Variants in TSPAN9 observed in about 807,000 individuals in gnomAD.
TSPAN9 encodes tetraspanin 9.
TSPAN9 carries 16 observed loss-of-function variants against 31.0 expected under a neutral mutation model. The observed-to-expected ratio is 0.52, with a 90% CI of 0.35 to 0.78. The LOEUF is 0.78. TSPAN9 is among the 30% of genes least tolerant of loss of function. The pLI, the probability that TSPAN9 is intolerant of heterozygous loss-of-function variation, is 0.01. For synonymous variants in TSPAN9, 145 were observed against 121.6 expected (o/e 1.19, Z -1.27); for missense variants, 272 against 312.5 (o/e 0.87, Z 0.98).
chr12:3,241,815 A>G (rs2098396713), intron 3 of TSPAN9, among the ~76,000 whole-genome samples: 1 of 152,176 alleles, frequency 6.6e-6, no homozygotes, highest in Non-Finnish European at 1.5e-5. Flanking sequence ...TGGGCTCAGT[A>G]TAGAATGGAA....
intron 2 of TSPAN9, among the ~76,000 whole-genome samples, chr12:3,157,767 C>G (rs537414279): frequency 4.6e-5 from 7 of 152,272 alleles, no homozygotes; most frequent in Admixed American, 3.9e-4. Flanking sequence ...CTTTCCCCTT[C>G]CCTGATCAGG....
At chr12:3,200,140 C>T (rs1422490839) in intron 2 of TSPAN9, 1 of 152,204 alleles carries the variant, frequency 6.6e-6, no homozygotes, top group African/African-American at 2.4e-5. Flanking sequence ...GAGCCCTTGA[C>T]ATTTAGCGAG....
Position 3,211,828 on chromosome 12 carries a change from G to C in TSPAN9, c.63+10572G>C, listed in dbSNP as rs2098378879. ...CTGGGCATTTCACATCCATGAAGTA[G>C]GAATTGGGGCTCTGCACCAGGCGTT... On this transcript the variant is annotated intron_variant, in intron 3 of 8. Coordinates refer to ENST00000011898, the MANE Select transcript of TSPAN9 (RefSeq NM_006675.5). 4 of 1,592,748 alleles carry C rather than the reference G, an allele frequency of 2.5e-6. No individual in the cohort carries two copies. The Admixed American group carries it at 5.0e-5, about 20-fold the overall frequency.
chr12:3,124,524 C>T (rs1237231759), intron 2 of TSPAN9, among the ~76,000 whole-genome samples: 1 of 151,776 alleles, frequency 6.6e-6, no homozygotes, highest in Non-Finnish European at 1.5e-5. Context: ...TCTCCTGCCT[C>T]AGCCTCCTGA....
intron 3 of TSPAN9, among the ~76,000 whole-genome samples, chr12:3,240,810 T>C (rs1288571853): frequency 6.6e-6 from 1 of 152,106 alleles, no homozygotes; most frequent in Non-Finnish European, 1.5e-5. Context: ...GGCGTGGACG[T>C]TGGAGAGTTG....
chr12:3,231,610 G>T (rs2098390801), intron 3 of TSPAN9, among the ~76,000 whole-genome samples: 1 of 152,266 alleles, frequency 6.6e-6, no homozygotes, highest in Non-Finnish European at 1.5e-5. Context: ...GCCAGCAGGG[G>T]CGGGGTGGGT....
At chr12:3,175,465 C>T (rs12828899) in intron 2 of TSPAN9, among the ~76,000 whole-genome samples, 45,237 of 152,042 alleles carry the variant, frequency 0.3, 7,033 homozygotes, top group African/African-American at 0.36. Context: ...AGGTCAGAAG[C>T]GTGGCCAAGG....
chr12:3,184,906 C>G (rs1285518361), intron 2 of TSPAN9, among the ~76,000 whole-genome samples: 1 of 152,196 alleles, frequency 6.6e-6, no homozygotes, highest in Non-Finnish European at 1.5e-5. Context: ...TGTAACTGTC[C>G]TGCTGGAGTG....
chr12:3,200,789 C>G (rs57106620), intron 2 of TSPAN9: 7,102 of 162,464 alleles, frequency 0.044, 569 homozygotes, highest in African/African-American at 0.16. Flanking sequence ...CGCGAGTGAG[C>G]CCCTGTGCAG....
At chr12:3,194,423 T>G (rs1442856418) in intron 2 of TSPAN9, among the ~76,000 whole-genome samples, 1 of 152,162 alleles carries the variant, frequency 6.6e-6, no homozygotes, top group Non-Finnish European at 1.5e-5. Flanking sequence ...GGTCTCACTC[T>G]GTCACCCAAG....
chr12:3,204,275 G>A (rs1010541929), intron 3 of TSPAN9, among the ~76,000 whole-genome samples: 3 of 152,174 alleles, frequency 2.0e-5, no homozygotes, highest in African/African-American at 7.2e-5. Context: ...ACCCCGCCCC[G>A]TGCCTCTGAG....
At chr12:3,175,299 C>T (rs1169855408) in intron 2 of TSPAN9, among the ~76,000 whole-genome samples, 1 of 152,132 alleles carries the variant, frequency 6.6e-6, no homozygotes, top group African/African-American at 2.4e-5. Flanking sequence ...ATCAGGGTGT[C>T]TGGGCTCCTG....
At chr12:3,241,018 G>A (rs1036797378) in intron 3 of TSPAN9, among the ~76,000 whole-genome samples, 1 of 152,180 alleles carries the variant, frequency 6.6e-6, no homozygotes, top group Non-Finnish European at 1.5e-5. Flanking sequence ...TTCTACTACA[G>A]CACTGGTTGG....
rs990658381 is a variant in TSPAN9 at position 3,107,179 on chromosome 12, C to A, written c.-18+23460C>A. Among the ~76,000 whole-genome samples the A allele has an allele frequency of 6.6e-6, 1 of 152,138 alleles. No homozygotes were observed. The highest frequency in any genetic ancestry group is 1.9e-4 in the East Asian group (1 of 5,184). ...ATTAGACTTGAGCCGCCGGCGGCCC[C>A]CTCCGTGGGGAGTGGGGGAGGGAGG... On this transcript the variant is annotated intron_variant, in intron 2 of 8. Transcript: ENST00000011898. This position sits in a 1 kb window ranked among gnomAD's most constrained non-coding sequence, Gnocchi z 4.1.
At chr12:3,081,812 G>C (rs2098297972) in intron 1 of TSPAN9, among the ~76,000 whole-genome samples, 2 of 20,342 alleles carry the variant, frequency 9.8e-5, no homozygotes, top group Admixed American at 1.6e-3. Flanking sequence ...AAAAAATTGT[G>C]TGTGTGTGTG....
intron 2 of TSPAN9, among the ~76,000 whole-genome samples, chr12:3,110,442 A>G (rs1269381789): frequency 6.6e-6 from 1 of 152,220 alleles, no homozygotes; most frequent in Non-Finnish European, 1.5e-5. Context: ...GGTATGGGGC[A>G]CAGTGGAGGT....
chr12:3,134,674 A>G (rs898051930), intron 2 of TSPAN9, among the ~76,000 whole-genome samples: 2 of 152,168 alleles, frequency 1.3e-5, no homozygotes, highest in African/African-American at 4.8e-5. Flanking sequence ...TGGGGCGCCC[A>G]ACTTCTGAGA....
At chr12:3,211,196 G>A (rs2098378491) in intron 3 of TSPAN9, among the ~76,000 whole-genome samples, 1 of 152,116 alleles carries the variant, frequency 6.6e-6, no homozygotes, top group African/African-American at 2.4e-5. Context: ...AGTATATTTG[G>A]AATTTATATT....
chr12:3,119,859 G>C (rs1283073337), intron 2 of TSPAN9, among the ~76,000 whole-genome samples: 1 of 152,190 alleles, frequency 6.6e-6, no homozygotes. Flanking sequence ...AGGAGGGGAA[G>C]TACGGTGCCC....
Sources: allele counts gnomAD v4.1 joint callset (sites outside exome capture counted in the v4.1 genomes callset), GRCh38; gene constraint gnomAD v4.1.1; non-coding constraint Gnocchi (gnomAD v3.1); transcripts MANE v1.5; gene names NCBI Gene and HGNC (gene_info 2026-07-23, HGNC 2026-07-21).